The following NRG1 variants were observed in gnomAD, a reference collection of about 807,000 sequenced individuals.
The protein encoded by NRG1 is pro-neuregulin-1, membrane-bound isoform.
NRG1 carries 18 observed loss-of-function variants against 63.8 expected under a neutral mutation model. The ratio of observed to expected loss-of-function variants is 0.28; its 90% confidence interval spans 0.19 to 0.42. The LOEUF (loss-of-function observed/expected upper bound fraction) is 0.42. Ranked by LOEUF, NRG1 falls within the 10% of genes least tolerant of loss-of-function variation. NRG1 has a pLI of 1.00. For synonymous variants in NRG1, 302 were observed against 301.3 expected, an observed-to-expected ratio of 1.00 and a Z score of -0.02; for missense variants, 762 against 814.7, an observed-to-expected ratio of 0.94 and a Z score of 0.79.
At chr8:32,371,888 C>T (rs1015593062) in intron 1 of NRG1, among the ~76,000 whole-genome samples, 3 of 151,912 alleles carry the variant, frequency 2.0e-5, no homozygotes, top group Admixed American at 2.0e-4. Context: ...TTTGTTAAAG[C>T]TTCTATTCTG....
chr8:32,539,275 G>T (rs1025368994), intron 1 of NRG1, among the ~76,000 whole-genome samples: 1 of 152,172 alleles, frequency 6.6e-6, no homozygotes, highest in Non-Finnish European at 1.5e-5. Context: ...CTCTATTTTA[G>T]AAGATTAACT....
At chr8:31,701,299 C>T (rs1174237287) in intron 1 of NRG1, among the ~76,000 whole-genome samples, 1 of 152,064 alleles carries the variant, frequency 6.6e-6, no homozygotes, top group Non-Finnish European at 1.5e-5. Context: ...TCTAGGGTGA[C>T]TCTGGAGTGC....
At chr8:31,654,890 A>C (rs945552369) in intron 1 of NRG1, among the ~76,000 whole-genome samples, 5 of 152,224 alleles carry the variant, frequency 3.3e-5, no homozygotes, top group African/African-American at 9.6e-5. Context: ...ACAGAGAGCT[A>C]TGATTGCATC....
chr8:32,204,713 C>T (rs1843843864), intron 1 of NRG1, among the ~76,000 whole-genome samples: 1 of 152,140 alleles, frequency 6.6e-6, no homozygotes, highest in African/African-American at 2.4e-5. Flanking sequence ...CATTTAAACC[C>T]ATTGACATAA....
chr8:32,690,938 AGTGTGTGT>A (rs113081002), intron 5 of NRG1, among the ~76,000 whole-genome samples: 22 of 131,178 alleles, frequency 1.7e-4, no homozygotes, highest in Non-Finnish European at 2.5e-4. Flanking sequence ...TTTCCCTCTC[AGTGTGTGT>A]GTGTGTGTGT....
intron 5 of NRG1, among the ~76,000 whole-genome samples, chr8:32,702,166 T>C (rs1041086640): frequency 6.6e-6 from 1 of 152,202 alleles, no homozygotes; most frequent in African/African-American, 2.4e-5. Flanking sequence ...AGGAAATGGA[T>C]GTTTTAGGGA....
chr8:32,090,154 C>T (rs1828890438), intron 1 of NRG1, among the ~76,000 whole-genome samples: 1 of 152,136 alleles, frequency 6.6e-6, no homozygotes, highest in Non-Finnish European at 1.5e-5. Flanking sequence ...AAACCTGTTT[C>T]CTCATCTGTG....
At chr8:31,741,073 T>C (rs12542909) in intron 1 of NRG1, among the ~76,000 whole-genome samples, 35,342 of 151,866 alleles carry the variant, frequency 0.23, 4,381 homozygotes, top group Admixed American at 0.27. Flanking sequence ...TGCAGCAACA[T>C]GGATGTAGCT....
At chr8:32,625,887 G>A (rs1002731558) in intron 5 of NRG1, among the ~76,000 whole-genome samples, 3 of 149,524 alleles carry the variant, frequency 2.0e-5, no homozygotes, top group South Asian at 2.1e-4. Flanking sequence ...TCGGCCTCCC[G>A]GGTTCAAGCG....
chr8:32,647,210 G>T (rs1264254486), intron 5 of NRG1: 17 of 985,266 alleles, frequency 1.7e-5, no homozygotes, highest in Non-Finnish European at 1.9e-5. Flanking sequence ...GGATGCTGTT[G>T]CTATTGTCAC....
intron 1 of NRG1, among the ~76,000 whole-genome samples, chr8:32,195,672 G>T (rs1479560536): frequency 6.6e-6 from 1 of 152,190 alleles, no homozygotes; most frequent in African/African-American, 2.4e-5. Flanking sequence ...AGGCCATTAG[G>T]TGTGGGTACA....
chr8:32,354,800 TAA>T (rs200217923), intron 1 of NRG1, among the ~76,000 whole-genome samples: 37 of 113,712 alleles, frequency 3.3e-4, no homozygotes, highest in East Asian at 9.9e-4. Context: ...CTGCTTTTTT[TAA>T]AAAAAAAAAA....
intron 1 of NRG1, among the ~76,000 whole-genome samples, chr8:31,939,035 A>G (rs1585914748): frequency 6.6e-6 from 1 of 152,326 alleles, no homozygotes; most frequent in South Asian, 2.1e-4. Flanking sequence ...CTAAAGATCT[A>G]GACATTCAAA....
At chr8:32,159,540 C>CAAAAAAAAAAAAAAAAAAAAAAA (rs10684266) in intron 1 of NRG1, among the ~76,000 whole-genome samples, 2 of 73,686 alleles carry the variant, frequency 2.7e-5, no homozygotes, top group Non-Finnish European at 6.4e-5. Context: ...GACTCCGTCT[C>CAAAAAAAAAAAAAAAAAAAAAAA]AAAAAAAAAA....
rs182515917 is a variant in NRG1 at position 32,729,039 on chromosome 8, G to A, written c.632+961G>A. Among the ~76,000 whole-genome samples the A allele has an allele frequency of 1.3e-4, 20 of 152,288 alleles. No homozygotes were observed. In the East Asian group the frequency reaches 3.1e-3, roughly 24 times the overall value. On this transcript the variant is annotated intron_variant, in intron 6 of 11. Coordinates refer to ENST00000356819, the Ensembl canonical transcript of NRG1. ...GCCGAGATTGCACCACTGCACTCCA[G>A]CCTGGGTGACAGAGCGAGACTCCGT...
At chr8:31,935,815 G>A (rs1166250350) in intron 1 of NRG1, among the ~76,000 whole-genome samples, 2 of 152,162 alleles carry the variant, frequency 1.3e-5, no homozygotes, top group African/African-American at 2.4e-5. Flanking sequence ...AGCTCTAGAT[G>A]TTTTTCTCCT....
chr8:32,281,216 C>A (rs528590581), intron 1 of NRG1, among the ~76,000 whole-genome samples: 1 of 84,854 alleles, frequency 1.2e-5, no homozygotes, highest in Admixed American at 1.5e-4. Context: ...CTCGCTCTGT[C>A]GCTCAGGCTG....
intron 1 of NRG1, among the ~76,000 whole-genome samples, chr8:31,741,337 A>T (rs1042477474): frequency 6.6e-6 from 1 of 151,950 alleles, no homozygotes; most frequent in African/African-American, 2.4e-5. Context: ...CAGGTACCAA[A>T]TCTGCACATG....
At chr8:32,326,018 T>C (rs1250423437) in intron 1 of NRG1, among the ~76,000 whole-genome samples, 1 of 151,954 alleles carries the variant, frequency 6.6e-6, no homozygotes, top group Non-Finnish European at 1.5e-5. Context: ...GTCACTTTTT[T>C]TTTTTTTTTT....
Sources: allele counts gnomAD v4.1 joint callset (sites outside exome capture counted in the v4.1 genomes callset), GRCh38; gene constraint gnomAD v4.1.1; transcripts MANE v1.5; gene names NCBI Gene and HGNC (gene_info 2026-07-23, HGNC 2026-07-21).